LRRC61: variants seen among roughly 807,000 people sequenced by gnomAD.
The protein encoded by LRRC61 is leucine rich repeat containing 61.
In LRRC61, 9 loss-of-function variants were observed where a neutral mutation model predicts 15.1. That is an observed-to-expected ratio of 0.60 (90% CI 0.36 to 1.04). LRRC61 has a LOEUF of 1.04. LRRC61 is among the 50% of genes least tolerant of loss of function. The pLI is 0.01. For missense variants in LRRC61, 344 were observed against 335.6 expected (o/e 1.03, Z -0.20); for synonymous variants, 173 against 158.6 (o/e 1.09, Z -0.68).
chr7:150,317,337 G>A, the LRRC61 span, among the ~76,000 whole-genome samples: 2 of 152,190 alleles, frequency 1.3e-5, no homozygotes, highest in African/African-American at 4.8e-5. Context: ...ACAGGTGTAG[G>A]CCACTGCGCC....
chr7:150,317,535 T>G, the LRRC61 span, among the ~76,000 whole-genome samples: 27 of 152,370 alleles, frequency 1.8e-4, no homozygotes, highest in African/African-American at 5.3e-4. Flanking sequence ...TAATTTTACC[T>G]ATTTTCCAGT....
rs946587475 is a variant in LRRC61, at chr7:150,333,156, G to A, written c.-144-3562G>A. On this transcript the variant is annotated intron_variant, in intron 2 of 2. Transcript: ENST00000359623. This position sits in a 1 kb window ranked among gnomAD's most constrained non-coding sequence, Gnocchi z 4.3. Reference sequence around the variant, plus strand: ...GGGAGGCCTAGAATGGTGAGGCAGCGAGGCTCGGGAGAAGAACGTGAGAAG... The same window carrying A: ...GGGAGGCCTAGAATGGTGAGGCAGCAAGGCTCGGGAGAAGAACGTGAGAAG... Among the ~76,000 whole-genome samples, 1 of 152,186 alleles carries A rather than the reference G, an allele frequency of 6.6e-6. No homozygotes were observed. Among genetic ancestry groups the A allele is most frequent in the African/African-American group, 2.4e-5 (1 of 41,446 alleles).
chr7:150,329,378 G>A (rs1563224991), intron 2 of LRRC61, among the ~76,000 whole-genome samples: 1 of 152,224 alleles, frequency 6.6e-6, no homozygotes, highest in Non-Finnish European at 1.5e-5. Context: ...TGGGCACCCG[G>A]GAGACGGGGG....
At chr7:150,309,870 G>A in the LRRC61 span, among the ~76,000 whole-genome samples, 3 of 152,158 alleles carry the variant, frequency 2.0e-5, no homozygotes, top group Non-Finnish European at 2.9e-5. Flanking sequence ...CATCATGGAC[G>A]CCGAGCTTCG....
chr7:150,314,305 G>T, the LRRC61 span, among the ~76,000 whole-genome samples: 24 of 152,316 alleles, frequency 1.6e-4, no homozygotes, highest in Non-Finnish European at 2.8e-4. Flanking sequence ...CCCTGCCAAG[G>T]ATTCTTGAAC....
Position 150,336,948 on chromosome 7 carries a change from C to G in LRRC61, c.87C>G (p.Ser29=). 2.5e-6 allele frequency: 4 copies of G among 1,613,958 alleles called. No homozygotes were observed. Among genetic ancestry groups the G allele is most frequent in the Non-Finnish European group, 3.4e-6 (4 of 1,180,046 alleles). Reference sequence around the variant, plus strand: ...TGAAGTCACGCACAGGCGAGTTCTCCCTGGAGTCCATCCTGCTACTGAAGC... The same window carrying G: ...TGAAGTCACGCACAGGCGAGTTCTCGCTGGAGTCCATCCTGCTACTGAAGC... The part of the protein sequence containing the change: ...QLLKSRTGEF[S]LESILLLKLR... Residue 29 remains serine, a synonymous_variant, in exon 3 of 3, where the codon TCC becomes TCG. Transcript: ENST00000359623.
upstream of LRRC61, among the ~76,000 whole-genome samples, chr7:150,320,302 C>T (rs1797369809): frequency 6.6e-6 from 1 of 152,198 alleles, no homozygotes; most frequent in Non-Finnish European, 1.5e-5. Context: ...AAATGTAATG[C>T]TTGTTTGTGT....
At position 150,335,618 on chromosome 7, in the gene LRRC61, T is replaced by C. The variant is rs1013049497; in HGVS notation, c.-144-1100T>C. On this transcript the variant is annotated intron_variant, in intron 2 of 2. Coordinates refer to ENST00000359623, the MANE Select transcript of LRRC61 (RefSeq NM_001142928.2). This position sits in a 1 kb window ranked among gnomAD's most constrained non-coding sequence, Gnocchi z 4.3. Reference sequence around the variant, plus strand: ...GAGGGGAAAATGAAAAGTGTTGATATGTAAACTCAGTCACCGACACCCTGC... The same window carrying C: ...GAGGGGAAAATGAAAAGTGTTGATACGTAAACTCAGTCACCGACACCCTGC... Among the ~76,000 whole-genome samples, 1 of 152,140 alleles carries C rather than the reference T, an allele frequency of 6.6e-6. No individual in the cohort carries two copies. Among genetic ancestry groups the C allele is most frequent in the Non-Finnish European group, 1.5e-5 (1 of 68,028 alleles).
upstream of LRRC61, chr7:150,323,282 G>C (rs529141381): frequency 4.0e-6 from 1 of 250,394 alleles, no homozygotes; most frequent in East Asian, 1.8e-4. Flanking sequence ...GCTTCCGGAA[G>C]TAACCCCTGG....
chr7:150,330,069 G>C lies in LRRC61; in HGVS notation c.-145+4059G>C. On this transcript the variant is annotated intron_variant, in intron 2 of 2. Coordinates refer to ENST00000359623, the MANE Select transcript of LRRC61 (RefSeq NM_001142928.2). This position sits in a 1 kb window ranked among gnomAD's most constrained non-coding sequence, Gnocchi z 4.6. The stretch of plus-strand genomic sequence containing the variant: ...CATCCCTTGTTTCGCCCACTGCCTC[G>C]ACTCCCTGGTGAGAAACTTTCTGTG... 1 of 280,850 alleles carries C rather than the reference G, an allele frequency of 3.6e-6. No homozygotes were observed. Among genetic ancestry groups the C allele is most frequent in the Non-Finnish European group, 6.8e-6 (1 of 147,952 alleles). 17.4% of individuals were successfully genotyped at this position (280,850 alleles called of 1,614,324 possible).
At chr7:150,319,725 T>C (rs1012452378), upstream of LRRC61, among the ~76,000 whole-genome samples, 6 of 152,182 alleles carry the variant, frequency 3.9e-5, no homozygotes, top group African/African-American at 1.2e-4. Flanking sequence ...AAAACACTGT[T>C]GGGGCTAACC....
At chr7:150,319,132 G>T (rs1288750018), upstream of LRRC61, among the ~76,000 whole-genome samples, 1 of 152,120 alleles carries the variant, frequency 6.6e-6, no homozygotes, top group Non-Finnish European at 1.5e-5. Context: ...ACACTCTACT[G>T]GGAAAATCCC....
chr7:150,330,859 A>G lies in LRRC61; in HGVS notation c.-145+4849A>G, dbSNP rs1338814610. 18 of 1,609,318 alleles carry G rather than the reference A, an allele frequency of 1.1e-5. No individual in the cohort carries two copies. Among genetic ancestry groups the G allele is most frequent in the Non-Finnish European group, 1.4e-5 (17 of 1,177,208 alleles). On this transcript the variant is annotated intron_variant, in intron 2 of 2. Coordinates refer to ENST00000359623, the MANE Select transcript of LRRC61 (RefSeq NM_001142928.2). The surrounding 1 kb of genome is among the most constrained non-coding windows in gnomAD (Gnocchi z 4.6). ...GGGAGAAGCCAGGGGGAGCCTCTGC[A>G]GAGCAGCAGCCACTCTGGGGCCTTC... is the stretch of plus-strand genomic sequence containing the variant.
the LRRC61 span, among the ~76,000 whole-genome samples, chr7:150,315,109 TTTATTTTATATATTATGTATAATAAA>T: frequency 6.8e-6 from 1 of 147,360 alleles, no homozygotes. Flanking sequence ...ATTTATATTA[TTTATTTTATATATTATGTATAATAAA>T]TAATATTTAT....
At position 150,331,867 on chromosome 7, in the gene LRRC61, G is replaced by A. The variant is rs149036457; in HGVS notation, c.-144-4851G>A. ...GTAGAATAGCCATTTCCAGAGGGAA[G>A]TACACACATACCCCCACACACCAGT... is the stretch of plus-strand genomic sequence containing the variant. On this transcript the variant is annotated intron_variant, in intron 2 of 2. Coordinates refer to ENST00000359623, the MANE Select transcript of LRRC61 (RefSeq NM_001142928.2). 5.1e-3 allele frequency: 856 copies of A among 167,250 alleles called. 4 individuals are homozygous for A. Among genetic ancestry groups the A allele is most frequent in the African/African-American group, 0.02 (816 of 41,582 alleles). 10.4% of individuals were successfully genotyped at this position (167,250 alleles called of 1,614,324 possible). A position where few individuals can be genotyped will look rare whatever the true frequency, so the allele number is the denominator to read the frequency against.
chr7:150,317,065 TTTCCTTCA>T, the LRRC61 span, among the ~76,000 whole-genome samples: 2 of 139,726 alleles, frequency 1.4e-5, no homozygotes, highest in Non-Finnish European at 3.1e-5. Flanking sequence ...TCCTTCCTTC[TTTCCTTCA>T]TTTATTTATT....
chr7:150,322,426 G>GTGGT (rs1289424896), upstream of LRRC61, among the ~76,000 whole-genome samples: 3 of 152,236 alleles, frequency 2.0e-5, no homozygotes, highest in African/African-American at 4.8e-5. Context: ...GGGACCTCTG[G>GTGGT]TGGTCCTCAC....
intron 1 of LRRC61, among the ~76,000 whole-genome samples, 183 bp from the exon 2 acceptor site, chr7:150,325,658 A>G (rs991031796): frequency 4.6e-4 from 70 of 152,132 alleles, no homozygotes; most frequent in African/African-American, 1.6e-3. Context: ...TTTTGTAAAG[A>G]CAAGGTTTCG....
the LRRC61 span, among the ~76,000 whole-genome samples, chr7:150,316,539 G>A: frequency 5.5e-3 from 788 of 142,738 alleles, 8 homozygotes; most frequent in African/African-American, 0.019. Flanking sequence ...AGGCGGGAGT[G>A]CAGTGGCGCG....
Sources: allele counts gnomAD v4.1 joint callset (sites outside exome capture counted in the v4.1 genomes callset), GRCh38; gene constraint gnomAD v4.1.1; non-coding constraint Gnocchi (gnomAD v3.1); transcripts MANE v1.5; gene names NCBI Gene and HGNC (gene_info 2026-07-23, HGNC 2026-07-21).